UNC13B: variants seen among roughly 807,000 people sequenced by gnomAD.
UNC13B encodes the protein protein unc-13 homolog B.
Under a neutral mutation model 211.0 loss-of-function variants are expected in UNC13B, and 144 were observed. That is an observed-to-expected ratio of 0.68 (90% CI 0.60 to 0.78). UNC13B has a LOEUF of 0.78. Among genes scored for constraint, UNC13B ranks in the 30% least tolerant of loss-of-function variants. UNC13B has a pLI of 0.00. For missense variants in UNC13B, 1,777 were observed against 2,002.0 expected (o/e 0.89, Z 2.14); for synonymous variants, 709 against 725.8 (o/e 0.98, Z 0.37).
At chr9:35,291,293 G>A (rs1476946409) in intron 7 of UNC13B, among the ~76,000 whole-genome samples, 1 of 152,172 alleles carries the variant, frequency 6.6e-6, no homozygotes, top group African/African-American at 2.4e-5. Flanking sequence ...TGACGACTTT[G>A]TGTGTGTTTA....
intron 11 of UNC13B, among the ~76,000 whole-genome samples, chr9:35,330,068 T>A (rs1831281143): frequency 6.6e-6 from 1 of 152,138 alleles, no homozygotes. Flanking sequence ...GAGAACTGGG[T>A]TTTTGTATTA....
chr9:35,327,892 G>C (rs1376038069), intron 11 of UNC13B, among the ~76,000 whole-genome samples: 1 of 152,196 alleles, frequency 6.6e-6, no homozygotes, highest in African/African-American at 2.4e-5. Context: ...TCCGTCCTTG[G>C]AATTCAACCA....
At chr9:35,393,459 A>G (rs1461335075) in intron 26 of UNC13B, among the ~76,000 whole-genome samples, 1 of 152,122 alleles carries the variant, frequency 6.6e-6, no homozygotes, top group African/African-American at 2.4e-5. Context: ...GTTCAGTGTG[A>G]CTAGCACTTC....
Position 35,210,268 on chromosome 9 carries a change from T to A in UNC13B, c.23-17747T>A, listed in dbSNP as rs375513429. On this transcript the variant is annotated intron_variant, in intron 1 of 39. Transcript: ENST00000635942. ...GCTTCCTGTCCAGTATAGTTTTCAC[T>A]AGCTACATGTGGGTATTTAAATGTA... Among the ~76,000 whole-genome samples the A allele has an allele frequency of 1.7e-3, 258 of 152,340 alleles. 1 individual carries two copies. Among genetic ancestry groups the A allele is most frequent in the African/African-American group, 6.0e-3 (251 of 41,580 alleles).
intron 7 of UNC13B, among the ~76,000 whole-genome samples, chr9:35,280,989 T>C (rs570484986): frequency 2.0e-5 from 3 of 152,204 alleles, no homozygotes; most frequent in African/African-American, 7.2e-5. Flanking sequence ...TCTGATGGCT[T>C]CTTGTTATAG....
At chr9:35,209,034 C>T (rs918577011) in intron 1 of UNC13B, among the ~76,000 whole-genome samples, 10 of 152,126 alleles carry the variant, frequency 6.6e-5, no homozygotes, top group African/African-American at 2.2e-4. Context: ...ATGTCTCCCT[C>T]ACATTATGCT....
intron 22 of UNC13B, 176 bp downstream of exon 22, chr9:35,384,490 G>A: frequency 6.1e-6 from 6 of 985,388 alleles, no homozygotes; most frequent in Non-Finnish European, 7.2e-6. Flanking sequence ...CAGGGACCAT[G>A]TGGTGTATAA....
chr9:35,199,924 G>T (rs1276989159), intron 1 of UNC13B, among the ~76,000 whole-genome samples: 1 of 152,150 alleles, frequency 6.6e-6, no homozygotes, highest in Non-Finnish European at 1.5e-5. Flanking sequence ...CCATGCCTAT[G>T]TCCTGAATGG....
At chr9:35,234,308 C>T (rs911281617) in intron 3 of UNC13B, among the ~76,000 whole-genome samples, 1 of 151,920 alleles carries the variant, frequency 6.6e-6, no homozygotes, top group Non-Finnish European at 1.5e-5. Context: ...CTGGGAGACA[C>T]TAGGTTTTGC....
intron 11 of UNC13B, among the ~76,000 whole-genome samples, chr9:35,362,278 C>T (rs1269755740): frequency 6.6e-6 from 1 of 152,154 alleles, no homozygotes; most frequent in Non-Finnish European, 1.5e-5. Flanking sequence ...GATCCATTGT[C>T]TGGCTGGGGA....
intron 5 of UNC13B, among the ~76,000 whole-genome samples, chr9:35,240,720 A>G (rs1276756868): frequency 1.3e-5 from 2 of 152,104 alleles, no homozygotes; most frequent in Admixed American, 6.5e-5. Context: ...CAAATGTTAT[A>G]TAAAATAGAC....
At chr9:35,214,085 A>G (rs901876871) in intron 1 of UNC13B, among the ~76,000 whole-genome samples, 9 of 152,158 alleles carry the variant, frequency 5.9e-5, no homozygotes, top group African/African-American at 2.2e-4. Flanking sequence ...GTATGAAATG[A>G]TTATAGACAT....
chr9:35,228,744 GTGTGTA>G (rs1294819028), intron 2 of UNC13B, among the ~76,000 whole-genome samples: 4 of 137,406 alleles, frequency 2.9e-5, no homozygotes, highest in African/African-American at 5.4e-5. Flanking sequence ...GTGTGTGTGT[GTGTGTA>G]TGTGTGTGTC....
intron 5 of UNC13B, among the ~76,000 whole-genome samples, chr9:35,241,571 A>G (rs1172464232): frequency 6.8e-6 from 1 of 146,138 alleles, no homozygotes; most frequent in Non-Finnish European, 1.5e-5. Context: ...ACACACACAC[A>G]CACACACACA....
chr9:35,381,769 CTAAT>C, intron 20 of UNC13B, 50 bp downstream of exon 20: 1 of 1,593,646 alleles, frequency 6.3e-7, no homozygotes, highest in Non-Finnish European at 8.6e-7. Flanking sequence ...ACTGGGGTGG[CTAAT>C]TAAGGCACAC....
chr9:35,235,186 G>C (rs1425338770), intron 3 of UNC13B, among the ~76,000 whole-genome samples: 1 of 152,066 alleles, frequency 6.6e-6, no homozygotes, highest in African/African-American at 2.4e-5. Flanking sequence ...GGCTCTTTAT[G>C]GAATGATTTC....
At chr9:35,210,119 T>G (rs189355166) in intron 1 of UNC13B, among the ~76,000 whole-genome samples, 3 of 152,282 alleles carry the variant, frequency 2.0e-5, no homozygotes, top group Admixed American at 2.0e-4. Context: ...TTAAGTTACC[T>G]TATGCATTTC....
intron 37 of UNC13B, chr9:35,402,104 C>A: frequency 8.4e-7 from 1 of 1,187,666 alleles, no homozygotes; most frequent in Non-Finnish European, 1.2e-6. Flanking sequence ...GGGGAACAAG[C>A]TGTCAAGGTT....
chr9:35,168,483 G>A (rs1303067312), intron 1 of UNC13B, among the ~76,000 whole-genome samples: 2 of 151,980 alleles, frequency 1.3e-5, no homozygotes, highest in Non-Finnish European at 2.9e-5. Context: ...TCTCATTGCT[G>A]TTTTCTTTGG....
Sources: gnomAD v4.1 joint callset for allele counts (sites outside exome capture counted in the v4.1 genomes callset) on GRCh38, gnomAD v4.1.1 for gene constraint, MANE v1.5 for transcripts, NCBI Gene and HGNC (gene_info 2026-07-23, HGNC 2026-07-21) for gene names.